COL6A2: variants seen among roughly 807,000 people sequenced by gnomAD.
COL6A2 encodes the protein collagen alpha-2(VI) chain.
A neutral mutation model predicts 124.9 loss-of-function variants in COL6A2; 90 were observed. That is an observed-to-expected ratio of 0.72 (90% CI 0.61 to 0.86). The LOEUF (loss-of-function observed/expected upper bound fraction) is 0.86, where lower values mean the gene tolerates loss of function less well. Among genes scored for constraint, COL6A2 ranks in the 40% least tolerant of loss-of-function variants. COL6A2 has a pLI of 0.00. For synonymous variants in COL6A2, 793 were observed against 618.2 expected, an observed-to-expected ratio of 1.28 and a Z score of -4.19; for missense variants, 1,607 against 1,502.5, an observed-to-expected ratio of 1.07 and a Z score of -1.15.
At chr21:46,109,751 G>A (rs1285974623) in intron 1 of COL6A2, among the ~76,000 whole-genome samples, 1 of 152,194 alleles carries the variant, frequency 6.6e-6, no homozygotes, top group African/African-American at 2.4e-5. Context: ...TCTGAGATTG[G>A]AGTGGGTGGT....
intron 1 of COL6A2, among the ~76,000 whole-genome samples, chr21:46,103,953 CAT>C (rs1198346681): frequency 6.6e-6 from 1 of 152,090 alleles, no homozygotes; most frequent in East Asian, 1.9e-4. Flanking sequence ...CAAAAGCAAC[CAT>C]ATATGTGGAG....
At position 46,119,978 on chromosome 21, in the gene COL6A2, C is replaced by G. The variant is rs1028171135; in HGVS notation, c.1332+128C>G. ...AGGGCCTCACTCTCCAGAGTTCACT[C>G]TCTGCAGAGTCTGGGAATGCAGCCC... On this transcript the variant is annotated intron_variant, in intron 15 of 27. Coordinates refer to ENST00000300527, the MANE Select transcript of COL6A2 (RefSeq NM_001849.4). 4.7e-6 allele frequency: 4 copies of G among 851,544 alleles called. No homozygotes were observed. The African/African-American group carries it at 6.7e-5, about 14-fold the overall frequency. 52.7% of individuals were successfully genotyped at this position (851,544 alleles called of 1,614,324 possible).
chr21:46,121,550 C>T lies in COL6A2; in HGVS notation c.1459-6C>T, dbSNP rs2078566233. The T allele has an allele frequency of 2.5e-6, 4 of 1,612,712 alleles. No homozygotes were observed. Among genetic ancestry groups the T allele is most frequent in the East Asian group, 2.2e-5 (1 of 44,886 alleles). On this transcript the variant is annotated splice_polypyrimidine_tract_variant and splice_region_variant and intron_variant, in intron 17 of 27. Coordinates refer to ENST00000300527, the MANE Select transcript of COL6A2 (RefSeq NM_001849.4). ...GCTGACTTCTGAATTTCTCTCCTGC[C>T]CTCAGGGATCTCGGGGAGACCCCGG...
chr21:46,129,393 G>C (rs748411409), intron 27 of COL6A2: 1 of 1,612,880 alleles, frequency 6.2e-7, no homozygotes, highest in African/African-American at 1.3e-5. Context: ...CGCCACCGGG[G>C]TAGAGCGGCA....
rs2078480218 is a variant in COL6A2, at chr21:46,116,898, T to C, written c.999+84T>C. ...CAGGGCCCCCAGATCCAGCCTGATC[T>C]GTCAGCTTACACATGTGTACACACG... On this transcript the variant is annotated intron_variant, in intron 10 of 27. Transcript: ENST00000300527. This position sits in a 1 kb window ranked among gnomAD's most constrained non-coding sequence, Gnocchi z 4.6. 1.4e-6 allele frequency: 2 copies of C among 1,406,878 alleles called. No homozygotes were observed. The highest frequency in any genetic ancestry group is 2.0e-6 in the Non-Finnish European group (2 of 997,922). 87.1% of individuals were successfully genotyped at this position (1,406,878 alleles called of 1,614,324 possible). A position where few individuals can be genotyped will look rare whatever the true frequency, so the allele number is the denominator to read the frequency against.
Position 46,111,548 on chromosome 21 carries a change from G to A in COL6A2, c.72G>A (p.Glu24=). 3 of 1,613,016 alleles carry A rather than the reference G, an allele frequency of 1.9e-6. No individual in the cohort carries two copies. Among genetic ancestry groups the A allele is most frequent in the Non-Finnish European group, 2.5e-6 (3 of 1,179,956 alleles). Reference sequence around the variant, plus strand: ...GGGCCATCCAGGCCCAGCAGCAGGAGGTCATCTCGCCGGACACTACCGAGA... The same window carrying A: ...GGGCCATCCAGGCCCAGCAGCAGGAAGTCATCTCGCCGGACACTACCGAGA... The part of the protein sequence containing the change: ...ILGAIQAQQQ[E]VISPDTTERN... The change falls in exon 2 of 28, where the codon GAG becomes GAA. Residue 24 remains glutamate (E), a synonymous_variant. Transcript: ENST00000300527.
At position 46,119,893 on chromosome 21, in the gene COL6A2, C is replaced by A. The variant is rs370026386; in HGVS notation, c.1332+43C>A. ...GGCAGCCCAGGGTCTCACTGTGGTG[C>A]CCATGGGCCCTGCTGACGAGGGCCC... On this transcript the variant is annotated intron_variant, in intron 15 of 27. Transcript: ENST00000300527. 2.0e-5 allele frequency: 30 copies of A among 1,519,210 alleles called. No individual in the cohort carries two copies. The African/African-American group carries it at 3.4e-4, about 17-fold the overall frequency. The allele number at this position is 1,519,210 out of a possible 1,614,324, so 94.1% of individuals were successfully genotyped here.
chr21:46,121,441 G>A, intron 17 of COL6A2, 115 bp from the exon 18 acceptor site: 1 of 992,080 alleles, frequency 1.0e-6, no homozygotes, highest in Non-Finnish European at 1.6e-6. Flanking sequence ...CAGGCAGCAG[G>A]AGGAGCTGCG....
intron 4 of COL6A2, chr21:46,113,625 A>G (rs543936177): frequency 8.3e-5 from 28 of 335,802 alleles, no homozygotes; most frequent in Admixed American, 3.2e-4. Context: ...GGATCTCACT[A>G]TGTTGCCCAG....
intron 27 of COL6A2, chr21:46,129,636 A>G: frequency 4.2e-6 from 6 of 1,428,036 alleles, no homozygotes; most frequent in Non-Finnish European, 5.5e-6. Flanking sequence ...GCTCTGGGGC[A>G]GCTCCCAGCC....
intron 1 of COL6A2, among the ~76,000 whole-genome samples, chr21:46,100,647 A>G (rs2078279035): frequency 6.6e-6 from 1 of 151,484 alleles, no homozygotes; most frequent in African/African-American, 2.4e-5. Flanking sequence ...GTGAAATCGT[A>G]TGAAATGTCT....
At chr21:46,113,728 TC>T (rs543572228) in intron 4 of COL6A2, 258 of 529,472 alleles carry the variant, frequency 4.9e-4, no homozygotes, top group Admixed American at 2.1e-3. Flanking sequence ...CGGCCTTTCT[TC>T]CCTTCTATTT....
intron 3 of COL6A2, 30 bp from the exon 4 acceptor site, chr21:46,112,773 CG>C: frequency 6.2e-7 from 1 of 1,613,738 alleles, no homozygotes; most frequent in Non-Finnish European, 8.5e-7. Flanking sequence ...TCGAGGCACA[CG>C]GCTAACCAGC....
intron 21 of COL6A2, 101 bp downstream of exon 21, chr21:46,123,038 G>A: frequency 8.3e-7 from 1 of 1,210,416 alleles, no homozygotes; most frequent in Non-Finnish European, 1.2e-6. Context: ...ACGCCAGGCA[G>A]CTTGGCCCCA....
At chr21:46,115,988 C>G (rs1397215686) in intron 6 of COL6A2, 21 bp from the exon 7 acceptor site, 2 of 1,612,024 alleles carry the variant, frequency 1.2e-6, no homozygotes, top group South Asian at 1.1e-5. Context: ...TGGGCTCACA[C>G]TGCTGCGTTG....
At chr21:46,123,897 AGATG>A (rs1440355369) in intron 21 of COL6A2, among the ~76,000 whole-genome samples, 14 of 135,684 alleles carry the variant, frequency 1.0e-4, no homozygotes, top group East Asian at 9.1e-4. Flanking sequence ...GTCAGTGGAT[AGATG>A]GATGGGTGGG....
intron 22 of COL6A2, 28 bp downstream of exon 22, chr21:46,124,741 TCCC>T (rs775247222): frequency 6.2e-7 from 1 of 1,607,674 alleles, no homozygotes; most frequent in Non-Finnish European, 8.5e-7. Flanking sequence ...CCCCATGCCC[TCCC>T]CCCAACCTGC....
chr21:46,125,406 C>T (rs762580493), intron 24 of COL6A2, 59 bp from the exon 25 acceptor site: 16 of 1,608,768 alleles, frequency 9.9e-6, no homozygotes, highest in East Asian at 6.7e-5. Context: ...TGCATGTGCA[C>T]GTGACCCTAG....
At chr21:46,123,868 CAGATGGATGGATGGGTGAGTCAGTGGAT>C (rs1184717499) in intron 21 of COL6A2, among the ~76,000 whole-genome samples, 12 of 129,808 alleles carry the variant, frequency 9.2e-5, no homozygotes, top group South Asian at 2.5e-4. Flanking sequence ...AGTGGGTTGG[CAGATGGATGGATGGGTGAGTCAGTGGAT>C]AGATGGATGG....
Sources: allele counts gnomAD v4.1 joint callset (sites outside exome capture counted in the v4.1 genomes callset), GRCh38; gene constraint gnomAD v4.1.1; non-coding constraint Gnocchi (gnomAD v3.1); transcripts MANE v1.5; gene names NCBI Gene and HGNC (gene_info 2026-07-23, HGNC 2026-07-21).